Variants in DIAPH2 observed in about 807,000 individuals in gnomAD.
DIAPH2 encodes the protein protein diaphanous homolog 2.
DIAPH2 carries 35 observed loss-of-function variants against 92.7 expected under a neutral mutation model. The ratio of observed to expected loss-of-function variants is 0.38; its 90% CI spans 0.29 to 0.50. The LOEUF is 0.50. Ranked by LOEUF, DIAPH2 falls within the 20% of genes least tolerant of loss-of-function variation. The pLI, the probability that DIAPH2 is intolerant of heterozygous loss-of-function variation, is 0.94. For synonymous variants in DIAPH2, 301 were observed against 280.4 expected, an observed-to-expected ratio of 1.07 and a Z score of -0.73; for missense variants, 701 against 819.5, an observed-to-expected ratio of 0.86 and a Z score of 1.77.
intron 5 of DIAPH2, among the ~76,000 whole-genome samples, chrX:96,888,023 G>A (rs755181412): frequency 1.8e-5 from 2 of 109,201 alleles, no homozygotes; most frequent in African/African-American, 6.6e-5. Context: ...CCTGTGATGC[G>A]TAGATTTACG....
intron 7 of DIAPH2, among the ~76,000 whole-genome samples, chrX:96,913,390 TG>T (rs2065481906): frequency 8.9e-6 from 1 of 111,738 alleles, no homozygotes; most frequent in South Asian, 3.7e-4. Context: ...AGTGAGTGCT[TG>T]TTCAGTTTAC....
intron 19 of DIAPH2, among the ~76,000 whole-genome samples, chrX:97,085,624 C>T (rs1337927553): frequency 9.0e-6 from 1 of 110,629 alleles, no homozygotes; most frequent in African/African-American, 3.3e-5. Context: ...GCCATGTTAG[C>T]CAGGCTGGTC....
At chrX:97,404,199 G>A (rs1473642252) in intron 25 of DIAPH2, among the ~76,000 whole-genome samples, 2 of 111,869 alleles carry the variant, frequency 1.8e-5, no homozygotes, top group East Asian at 5.6e-4. Context: ...AATACCAGCT[G>A]TACTTGTATT....
chrX:97,589,027 A>ATATATAT (rs748240865), intron 26 of DIAPH2, among the ~76,000 whole-genome samples: 9 of 85,097 alleles, frequency 1.1e-4, no homozygotes, highest in Non-Finnish European at 1.4e-4. Context: ...ATATATATAT[A>ATATATAT]AAAGAATCAG....
chrX:96,983,010 C>T (rs2066007386), intron 17 of DIAPH2, among the ~76,000 whole-genome samples: 1 of 110,688 alleles, frequency 9.0e-6, no homozygotes, highest in South Asian at 3.8e-4. Context: ...CCTGAGAAGA[C>T]TTGCAATCAG....
intron 4 of DIAPH2, among the ~76,000 whole-genome samples, chrX:96,822,750 TGAA>T (rs1433261666): frequency 8.9e-6 from 1 of 112,031 alleles, no homozygotes; most frequent in African/African-American, 3.2e-5. Context: ...TGTACACAAA[TGAA>T]GAACTTTTAT....
At chrX:97,596,582 T>C (rs1309228467) in intron 26 of DIAPH2, among the ~76,000 whole-genome samples, 2 of 111,638 alleles carry the variant, frequency 1.8e-5, no homozygotes, top group African/African-American at 6.5e-5. Flanking sequence ...TCATATCACA[T>C]GAGCACCCAG....
intron 23 of DIAPH2, among the ~76,000 whole-genome samples, chrX:97,301,221 C>A (rs1038079558): frequency 2.8e-5 from 3 of 106,117 alleles, no homozygotes; most frequent in Non-Finnish European, 3.9e-5. Context: ...TGGATGTATA[C>A]GTTTGATGTC....
intron 22 of DIAPH2, among the ~76,000 whole-genome samples, chrX:97,196,221 C>T (rs1020557219): frequency 5.8e-5 from 2 of 34,504 alleles, no homozygotes; most frequent in African/African-American, 4.5e-4. Context: ...CACATACATA[C>T]ACACACACAC....
chrX:96,761,359 A>C (rs1441270851), intron 4 of DIAPH2, among the ~76,000 whole-genome samples: 18 of 107,974 alleles, frequency 1.7e-4, no homozygotes, highest in Non-Finnish European at 3.1e-4. Context: ...TTTTTTTTTA[A>C]TCTCAGTAGG....
At chrX:97,313,683 G>A (rs1238302948) in intron 23 of DIAPH2, among the ~76,000 whole-genome samples, 1 of 110,435 alleles carries the variant, frequency 9.1e-6, no homozygotes, top group Non-Finnish European at 1.9e-5. Context: ...CTCTCGCCCC[G>A]GCTGGAGTGC....
chrX:97,396,627 C>T (rs780113673), intron 25 of DIAPH2, among the ~76,000 whole-genome samples: 2 of 111,334 alleles, frequency 1.8e-5, no homozygotes, highest in South Asian at 7.6e-4. Flanking sequence ...CAGAGTGAGA[C>T]TCTGTCTAAA....
intron 26 of DIAPH2, among the ~76,000 whole-genome samples, chrX:97,471,690 C>CA (rs34891772): frequency 0.39 from 17,503 of 45,137 alleles, 2,353 homozygotes; most frequent in Middle Eastern, 0.48. Context: ...AAATCCGTCT[C>CA]AAAAAAAAAA....
chrX:96,826,115 G>A (rs1306129331), intron 4 of DIAPH2, among the ~76,000 whole-genome samples: 1 of 111,239 alleles, frequency 9.0e-6, no homozygotes, highest in Non-Finnish European at 1.9e-5. Context: ...CACAAAATGA[G>A]CTTAAAATAT....
At chrX:97,216,701 G>A (rs181039035) in intron 22 of DIAPH2, among the ~76,000 whole-genome samples, 1 of 111,787 alleles carries the variant, frequency 8.9e-6, no homozygotes, top group East Asian at 2.8e-4. Context: ...GATCCTGACA[G>A]AAGAATTACG....
At chrX:96,951,998 C>T (rs1235343926) in intron 15 of DIAPH2, among the ~76,000 whole-genome samples, 2 of 111,454 alleles carry the variant, frequency 1.8e-5, no homozygotes, top group African/African-American at 3.3e-5. Flanking sequence ...AAACGACACA[C>T]ATTTTGCCTT....
intron 15 of DIAPH2, among the ~76,000 whole-genome samples, chrX:96,950,672 C>T (rs1372490059): frequency 8.9e-6 from 1 of 111,879 alleles, no homozygotes; most frequent in Non-Finnish European, 1.9e-5. Context: ...ATGTCAGTGG[C>T]AAATTAATCT....
At chrX:97,403,196 T>C (rs748983891) in intron 25 of DIAPH2, among the ~76,000 whole-genome samples, 1 of 112,258 alleles carries the variant, frequency 8.9e-6, no homozygotes, top group East Asian at 2.8e-4. Context: ...ATAAAATGAA[T>C]GTTTTGACTT....
intron 26 of DIAPH2, among the ~76,000 whole-genome samples, chrX:97,483,826 G>T (rs1229203097): frequency 1.8e-5 from 2 of 111,684 alleles, no homozygotes; most frequent in Non-Finnish European, 1.9e-5. Context: ...CAACTACAGT[G>T]AGACATTAAA....
Sources: allele counts gnomAD v4.1 joint callset (sites outside exome capture counted in the v4.1 genomes callset), GRCh38; gene constraint gnomAD v4.1.1; transcripts MANE v1.5; gene names NCBI Gene and HGNC (gene_info 2026-07-23, HGNC 2026-07-21).